MEGF10: variants seen among roughly 807,000 people sequenced by gnomAD.
MEGF10 encodes multiple EGF like domains 10.
Under a neutral mutation model 147.5 loss-of-function variants are expected in MEGF10, and 86 were observed. The ratio of observed to expected loss-of-function variants is 0.58; its 90% CI spans 0.49 to 0.70. MEGF10 has a LOEUF of 0.70. Among genes scored for constraint, MEGF10 ranks in the 30% least tolerant of loss-of-function variants. MEGF10 has a pLI of 0.00. For missense variants in MEGF10, 1,329 were observed against 1,487.3 expected (o/e 0.89, Z 1.75); for synonymous variants, 478 against 525.5 (o/e 0.91, Z 1.24).
intron 2 of MEGF10, among the ~76,000 whole-genome samples, chr5:127,338,368 C>G (rs1761546476): frequency 6.6e-6 from 1 of 152,124 alleles, no homozygotes; most frequent in Admixed American, 6.6e-5. Flanking sequence ...TGGAATTCAA[C>G]AGTGAGTATT....
chr5:127,417,723 G>A lies in MEGF10; in HGVS notation c.1216G>A (p.Gly406Arg), dbSNP rs776828330. 5.3e-5 allele frequency: 85 copies of A among 1,613,980 alleles called. No homozygotes were observed. The highest frequency in any genetic ancestry group is 1.1e-4 in the East Asian group (5 of 44,884). The change falls in exon 10 of 25, where the codon GGG becomes AGG. Residue 406 changes from glycine (G) to arginine (R), a missense_variant. By Grantham distance (125) the Gly-to-Arg change is moderately radical. Transcript: ENST00000503335. Reference protein sequence around the residue: ...CNETCSPGFYGEACQQICSCQ... With the variant: ...CNETCSPGFYREACQQICSCQ... Reference sequence around the variant, plus strand: ...TGAGACATGTTCTCCTGGATTCTACGGGGAAGCTTGCCAGCAGATCTGCAG... The same window carrying A: ...TGAGACATGTTCTCCTGGATTCTACAGGGAAGCTTGCCAGCAGATCTGCAG...
At chr5:127,286,050 G>C (rs80085521), upstream of MEGF10, among the ~76,000 whole-genome samples, 947 of 152,210 alleles carry the variant, frequency 6.2e-3, 7 homozygotes, top group Middle Eastern at 0.02. Context: ...AATAAGCCAA[G>C]TACAGAAAGA....
At chr5:127,234,130 C>T in the MEGF10 span, among the ~76,000 whole-genome samples, 6 of 152,184 alleles carry the variant, frequency 3.9e-5, no homozygotes, top group Non-Finnish European at 8.8e-5. Flanking sequence ...CCTGTATTTA[C>T]GCTCAGTAAT....
intron 5 of MEGF10, among the ~76,000 whole-genome samples, chr5:127,394,444 A>G (rs1230111787): frequency 1.3e-5 from 2 of 152,124 alleles, no homozygotes; most frequent in African/African-American, 4.8e-5. Context: ...CAATGATAAG[A>G]TAATGGATTT....
chr5:127,350,336 T>A (rs1403454271), intron 4 of MEGF10, among the ~76,000 whole-genome samples: 1 of 152,176 alleles, frequency 6.6e-6, no homozygotes, highest in Non-Finnish European at 1.5e-5. Flanking sequence ...GTTCCTAAGA[T>A]AAAAATTTGT....
At chr5:127,356,590 TA>T (rs1055909559) in intron 4 of MEGF10, among the ~76,000 whole-genome samples, 7 of 152,098 alleles carry the variant, frequency 4.6e-5, no homozygotes, top group African/African-American at 1.7e-4. Context: ...AGATTTAAGC[TA>T]AAAAACAATA....
Position 127,310,037 on chromosome 5 carries a change from T to G in MEGF10, c.-19+18981T>G, listed in dbSNP as rs867107625. Reference sequence around the variant, plus strand: ...TTCTTTTTTTCTTTCTTTCTTTCCTTCTTTCTTTATTTCTTTCTTTCTTTC... The same window carrying G: ...TTCTTTTTTTCTTTCTTTCTTTCCTGCTTTCTTTATTTCTTTCTTTCTTTC... On this transcript the variant is annotated intron_variant, in intron 1 of 24. Transcript: ENST00000503335. Among the ~76,000 whole-genome samples the G allele has an allele frequency of 6.2e-5, 3 of 48,126 alleles. 1 individual carries two copies. Among genetic ancestry groups the G allele is most frequent in the African/African-American group, 2.0e-4 (3 of 14,920 alleles). The allele number at this position is 48,126 out of a possible 152,430, so 31.6% of individuals were successfully genotyped here. A position where few individuals can be genotyped will look rare whatever the true frequency, so the allele number is the denominator to read the frequency against.
the MEGF10 span, among the ~76,000 whole-genome samples, chr5:127,246,790 TATA>T: frequency 3.8e-5 from 1 of 26,484 alleles, no homozygotes; most frequent in Non-Finnish European, 9.3e-5. Context: ...ATATATAATT[TATA>T]ATATTTATAA....
the MEGF10 span, among the ~76,000 whole-genome samples, chr5:127,258,018 TTCTGC>T: frequency 2.0e-5 from 3 of 152,214 alleles, no homozygotes; most frequent in Non-Finnish European, 4.4e-5. Context: ...TGAAACTATT[TTCTGC>T]AAGTCCATGG....
chr5:127,398,877 C>A, intron 7 of MEGF10, 81 bp downstream of exon 7: 1 of 1,562,446 alleles, frequency 6.4e-7, no homozygotes, highest in Non-Finnish European at 8.7e-7. Context: ...ATGCAGGAGA[C>A]TTTAGCACAA....
chr5:127,452,213 C>T (rs964950438), intron 22 of MEGF10, among the ~76,000 whole-genome samples: 1 of 152,204 alleles, frequency 6.6e-6, no homozygotes, highest in Non-Finnish European at 1.5e-5. Flanking sequence ...CTCTTATTCC[C>T]TAACTTACTA....
At chr5:127,268,931 A>C in the MEGF10 span, among the ~76,000 whole-genome samples, 1 of 152,236 alleles carries the variant, frequency 6.6e-6, no homozygotes, top group African/African-American at 2.4e-5. Flanking sequence ...GCTGTTCAGC[A>C]ATATTCGCTG....
At chr5:127,265,953 TG>T in the MEGF10 span, among the ~76,000 whole-genome samples, 1 of 152,256 alleles carries the variant, frequency 6.6e-6, no homozygotes, top group Non-Finnish European at 1.5e-5. Flanking sequence ...TTTTGGCTTT[TG>T]TTGCCATTGC....
chr5:127,332,918 G>A (rs1454231011), intron 2 of MEGF10, among the ~76,000 whole-genome samples: 1 of 152,148 alleles, frequency 6.6e-6, no homozygotes, highest in African/African-American at 2.4e-5. Flanking sequence ...TCAAGTTTGT[G>A]AGATGTTGTG....
chr5:127,309,422 A>G (rs1760161504), intron 1 of MEGF10, among the ~76,000 whole-genome samples: 1 of 152,180 alleles, frequency 6.6e-6, no homozygotes, highest in South Asian at 2.1e-4. Context: ...GAAACTCTGT[A>G]CCCATTAAAT....
intron 4 of MEGF10, among the ~76,000 whole-genome samples, chr5:127,351,689 T>C (rs903900916): frequency 1.2e-4 from 18 of 152,174 alleles, no homozygotes; most frequent in Non-Finnish European, 2.4e-4. Flanking sequence ...ACCATCTCTT[T>C]GTCACATGCT....
At chr5:127,391,615 A>C (rs1763700412) in intron 5 of MEGF10, among the ~76,000 whole-genome samples, 1 of 151,534 alleles carries the variant, frequency 6.6e-6, no homozygotes, top group African/African-American at 2.4e-5. Flanking sequence ...ACACAAAGGG[A>C]GAGGCTACCA....
intron 9 of MEGF10, 79 bp downstream of exon 9, chr5:127,410,680 G>C (rs1180633639): frequency 2.3e-6 from 3 of 1,307,894 alleles, no homozygotes; most frequent in Middle Eastern, 5.1e-4. Context: ...AGGAGGGATT[G>C]ATAGAGTGAT....
At chr5:127,435,263 T>A in intron 15 of MEGF10, 98 bp from the exon 16 acceptor site, 5 of 1,416,714 alleles carry the variant, frequency 3.5e-6, no homozygotes, top group Non-Finnish European at 4.8e-6. Context: ...AATGAGCAGC[T>A]GGGCCTGTGA....
Sources: allele counts gnomAD v4.1 joint callset (sites outside exome capture counted in the v4.1 genomes callset), GRCh38; gene constraint gnomAD v4.1.1; transcripts MANE v1.5; gene names NCBI Gene and HGNC (gene_info 2026-07-23, HGNC 2026-07-21).